Variants in SST observed in about 807,000 individuals in gnomAD.
SST encodes growth hormone release-inhibiting factor.
Under a neutral mutation model 10.4 loss-of-function variants are expected in SST, and 7 were observed. The ratio of observed to expected loss-of-function variants is 0.67; its 90% CI spans 0.38 to 1.26. SST has a LOEUF of 1.26. SST is among the 50% of genes most tolerant of loss of function. SST has a pLI of 0.02. For synonymous variants in SST, 63 were observed against 63.9 expected (o/e 0.99, Z 0.07); for missense variants, 145 against 140.8 (o/e 1.03, Z -0.15).
rs771979505 is a variant in SST, at chr3:187,670,262, C to T, written c.30G>A (p.Leu10=). MLSCRLQCA[L]AALSIVLALG... The stretch of plus-strand genomic sequence containing the variant: ...GGGCCAGGACGATGGACAGCGCAGC[C>T]AGCGCGCACTGGAGGCGGCAGGACA... Residue 10 remains leucine (L), a synonymous_variant, in exon 1 of 2, where the codon CTG becomes CTA. Transcript: ENST00000287641. 1.3e-6 allele frequency: 2 copies of T among 1,592,808 alleles called. No individual in the cohort carries two copies. Among genetic ancestry groups the T allele is most frequent in the African/African-American group, 1.3e-5 (1 of 74,590 alleles).
In SST at chr3:187,669,205, C is replaced by T; in HGVS notation, c.211G>A (p.Glu71Lys). Residue 71 changes from glutamate (E) to lysine (K), a missense_variant, in exon 2 of 2, where the codon GAA becomes AAA. Transcript: ENST00000287641. ...TGCTCAGCAGCCTGGGACAGATCTT[C>T]AGGTTCCAGGGCATCATTCTCCGTC... Reference protein sequence around the residue: ...NQTENDALEPEDLSQAAEQDE... With the variant: ...NQTENDALEPKDLSQAAEQDE... The T allele has an allele frequency of 6.2e-7, 1 of 1,613,982 alleles. No individual in the cohort carries two copies. The highest frequency in any genetic ancestry group is 1.3e-5 in the African/African-American group (1 of 74,994).
chr3:187,670,089 A>G (rs1443286122), intron 1 of SST, 65 bp downstream of exon 1: 7 of 1,517,310 alleles, frequency 4.6e-6, no homozygotes, highest in South Asian at 3.7e-5. Context: ...GTCCAAACCA[A>G]TGGGGCAGGA....
At chr3:187,670,045 C>T in intron 1 of SST, 109 bp downstream of exon 1, 2 of 1,273,136 alleles carry the variant, frequency 1.6e-6, no homozygotes, top group Non-Finnish European at 2.1e-6. Flanking sequence ...CAGAAAAGCA[C>T]CAAAACTCTT....
At chr3:187,670,127 C>T in intron 1 of SST, 27 bp downstream of exon 1, 1 of 1,570,518 alleles carries the variant, frequency 6.4e-7, no homozygotes, top group African/African-American at 1.4e-5. Flanking sequence ...CTGGAGAATC[C>T]GGGAGACGTC....
At chr3:187,670,003 G>A (rs1717199394) in intron 1 of SST, 151 bp downstream of exon 1, 4 of 816,416 alleles carry the variant, frequency 4.9e-6, no homozygotes, top group African/African-American at 1.7e-5. Flanking sequence ...GCCTTTGATA[G>A]TTTTCTCAAG....
In SST at chr3:187,669,014, T is replaced by G; in HGVS notation, c.*51A>C. 1.3e-6 allele frequency: 2 copies of G among 1,544,974 alleles called. No homozygotes were observed. Among genetic ancestry groups the G allele is most frequent in the Non-Finnish European group, 8.9e-7 (1 of 1,117,774 alleles). On this transcript the variant is annotated 3_prime_UTR_variant, in exon 2 of 2. Transcript: ENST00000287641. ...GGAGGATTAGGGAAGAGAGATGGGGTGTGGGGGCGAGGGATCAGAGGTCTG... is the reference window on the plus strand; with the variant it reads ...GGAGGATTAGGGAAGAGAGATGGGGGGTGGGGGCGAGGGATCAGAGGTCTG...
Position 187,668,993 on chromosome 3 carries a change from G to T in SST, c.*72C>A. The T allele has an allele frequency of 1.4e-6, 2 of 1,398,880 alleles. No homozygotes were observed. Among genetic ancestry groups the T allele is most frequent in the Non-Finnish European group, 2.0e-6 (2 of 986,036 alleles). 86.7% of individuals were successfully genotyped at this position (1,398,880 alleles called of 1,614,324 possible). A position where few individuals can be genotyped will look rare whatever the true frequency, so the allele number is the denominator to read the frequency against. ...CAAGGGTCTCGCTGAAGACTTGGAGGATTAGGGAAGAGAGATGGGGTGTGG... is the reference window on the plus strand; with the variant it reads ...CAAGGGTCTCGCTGAAGACTTGGAGTATTAGGGAAGAGAGATGGGGTGTGG... On this transcript the variant is annotated 3_prime_UTR_variant, in exon 2 of 2. Transcript: ENST00000287641.
Position 187,670,307 on chromosome 3 carries a change from G to C in SST, c.-16C>G. ...AGGACAGCATCTCGGCGCCGCGAAA[G>C]CCGAGCTGGAGAGTGGCTGGTCAAA... On this transcript the variant is annotated 5_prime_UTR_variant, in exon 1 of 2. Coordinates refer to ENST00000287641, the MANE Select transcript of SST (RefSeq NM_001048.4). The C allele has an allele frequency of 3.8e-6, 6 of 1,569,850 alleles. No homozygotes were observed. Among genetic ancestry groups the C allele is most frequent in the Non-Finnish European group, 4.3e-6 (5 of 1,157,306 alleles).
Position 187,669,286 on chromosome 3 carries a change from G to A in SST, c.139-9C>T, listed in dbSNP as rs191229652. 332 of 1,612,156 alleles carry A rather than the reference G, an allele frequency of 2.1e-4. No individual in the cohort carries two copies. The African/African-American group carries it at 4.0e-3, about 19-fold the overall frequency. The stretch of plus-strand genomic sequence containing the variant: ...AAGTACTTGGCCAGTTCCTGTATAG[G>A]GCAGAAGGGATAGAAAAAGAGAGAA... On this transcript the variant is annotated splice_polypyrimidine_tract_variant and intron_variant, in intron 1 of 1. Transcript: ENST00000287641.
chr3:187,669,548 A>G (rs958847808), intron 1 of SST, among the ~76,000 whole-genome samples: 1 of 138,236 alleles, frequency 7.2e-6, no homozygotes, highest in African/African-American at 2.9e-5. Context: ...ACACACACAC[A>G]CACACGCACA....
intron 1 of SST, among the ~76,000 whole-genome samples, 195 bp from the exon 2 acceptor site, chr3:187,669,472 C>T (rs2108532704): frequency 6.6e-6 from 1 of 151,980 alleles, no homozygotes; most frequent in South Asian, 2.1e-4. Context: ...TACCAAGTTA[C>T]ACAAAAAGGC....
chr3:187,669,963 G>C (rs1263911779), intron 1 of SST, among the ~76,000 whole-genome samples, 191 bp downstream of exon 1: 3 of 151,930 alleles, frequency 2.0e-5, no homozygotes, highest in African/African-American at 7.3e-5. Flanking sequence ...GCTTATCATG[G>C]GGGAAAAAAA....
Position 187,670,376 on chromosome 3 carries a change from C to T in SST, c.-85G>A. On this transcript the variant is annotated 5_prime_UTR_variant, in exon 1 of 2. Transcript: ENST00000287641. ...AGGCAGCAGCGATGGCTCCGAACCT[C>T]GCTCCTAAAGCGGCTTGTGTGCTCT... 1.4e-6 allele frequency: 2 copies of T among 1,468,464 alleles called. No homozygotes were observed. Among genetic ancestry groups the T allele is most frequent in the African/African-American group, 1.4e-5 (1 of 71,458 alleles). The allele number at this position is 1,468,464 out of a possible 1,614,324, so 91.0% of individuals were successfully genotyped here. A position where few individuals can be genotyped will look rare whatever the true frequency, so the allele number is the denominator to read the frequency against.
In SST at chr3:187,669,278, C is replaced by A. The variant is rs1301514875; in HGVS notation, c.139-1G>T. ...CTGCCAAGAAGTACTTGGCCAGTTC[C>A]TGTATAGGGCAGAAGGGATAGAAAA... On this transcript the variant is annotated splice_acceptor_variant, in intron 1 of 1. Coordinates refer to ENST00000287641, the MANE Select transcript of SST (RefSeq NM_001048.4). LOFTEE classifies it high-confidence loss of function. The A allele has an allele frequency of 6.2e-7, 1 of 1,613,242 alleles. No individual in the cohort carries two copies. The highest frequency in any genetic ancestry group is 8.5e-7 in the Non-Finnish European group (1 of 1,179,874).
intron 1 of SST, among the ~76,000 whole-genome samples, chr3:187,669,577 CACACACACAT>C: frequency 6.6e-6 from 1 of 151,908 alleles, no homozygotes; most frequent in South Asian, 2.1e-4. Context: ...CACACACACA[CACACACACAT>C]AAAGACCGTT....
chr3:187,670,242 A>T lies in SST; in HGVS notation c.50T>A (p.Leu17Gln). 1.3e-6 allele frequency: 2 copies of T among 1,595,478 alleles called. No homozygotes were observed. ...QCALAALSIV[L>Q]ALGCVTGAPS... ...AGCGCCGGTGACACAGCCCAGGGCC[A>T]GGACGATGGACAGCGCAGCCAGCGC... The change falls in exon 1 of 2, where the codon CTG becomes CAG. Residue 17 changes from leucine (L) to glutamine (Q), a missense_variant. Leu to Gln is a moderately radical substitution (Grantham distance 113). Transcript: ENST00000287641.
At chr3:187,669,881 CCAGA>C (rs1286938148) in intron 1 of SST, among the ~76,000 whole-genome samples, 10 of 152,202 alleles carry the variant, frequency 6.6e-5, no homozygotes, top group African/African-American at 2.2e-4. Context: ...CGCTTCGTGC[CCAGA>C]CAACTACCCA....
Position 187,670,387 on chromosome 3 carries a change from C to A in SST, c.-96G>T, listed in dbSNP as rs575313217. 5.7e-6 allele frequency: 8 copies of A among 1,413,304 alleles called. No homozygotes were observed. The highest frequency in any genetic ancestry group is 1.4e-5 in the African/African-American group (1 of 70,072). 87.5% of individuals were successfully genotyped at this position (1,413,304 alleles called of 1,614,324 possible). On this transcript the variant is annotated 5_prime_UTR_variant, in exon 1 of 2. Coordinates refer to ENST00000287641, the MANE Select transcript of SST (RefSeq NM_001048.4). ...ATGGCTCCGAACCTCGCTCCTAAAG[C>A]GGCTTGTGTGCTCTCAACCGTCTCC...
intron 1 of SST, among the ~76,000 whole-genome samples, chr3:187,669,562 A>G (rs1369246723): frequency 0.026 from 2,215 of 85,874 alleles, 44 homozygotes; most frequent in African/African-American, 0.11. Context: ...ACGCACAAAC[A>G]CACACACACA....
Sources: gnomAD v4.1 joint callset for allele counts (sites outside exome capture counted in the v4.1 genomes callset) on GRCh38, gnomAD v4.1.1 for gene constraint, MANE v1.5 for transcripts, NCBI Gene and HGNC (gene_info 2026-07-23, HGNC 2026-07-21) for gene names.